The following TBL3 variants were observed in gnomAD, a reference collection of about 807,000 sequenced individuals.
The protein encoded by TBL3 is transducin beta-like protein 3.
A neutral mutation model predicts 102.7 loss-of-function variants in TBL3; 71 were observed. That is an observed-to-expected ratio of 0.69 (90% CI 0.57 to 0.84). The LOEUF is 0.84. Ranked by LOEUF, TBL3 falls within the 40% of genes least tolerant of loss-of-function variation. The probability of loss-of-function intolerance (pLI) is 0.00; values close to 1 mark genes in which losing one functional copy is unlikely to be tolerated. For missense variants in TBL3, 1,188 were observed against 1,098.5 expected (o/e 1.08, Z -1.15); for synonymous variants, 578 against 477.7 (o/e 1.21, Z -2.74).
Position 1,974,223 on chromosome 16 carries a change from C to G in TBL3, c.120C>G (p.Phe40Leu). 6.2e-7 allele frequency: 1 copy of G among 1,602,436 alleles called. No homozygotes were observed. The highest frequency in any genetic ancestry group is 8.5e-7 in the Non-Finnish European group (1 of 1,173,506). Residue 40 changes from phenylalanine to leucine, a missense_variant, in exon 3 of 22, where the codon TTC becomes TTG. By Grantham distance (22) the Phe-to-Leu change is conservative (BLOSUM62 0). Coordinates refer to ENST00000568546, the MANE Select transcript of TBL3 (RefSeq NM_006453.3). Reference protein sequence around the residue: ...AQLDQTGQHLFCVCGTRVNIL... With the variant: ...AQLDQTGQHLLCVCGTRVNIL... ...TGGACCAGACTGGCCAGCACCTCTT[C>G]TGCGTCTGTGGCACCAGAGTCAACA...
Position 1,980,661 on chromosome 16 carries a change from A to G in TBL3, c.*1976A>G, listed in dbSNP as rs368108708. 1.9e-6 allele frequency: 3 copies of G among 1,606,238 alleles called. No homozygotes were observed. The highest frequency in any genetic ancestry group is 2.5e-6 in the Non-Finnish European group (3 of 1,176,626). ...CGTACCCAGGCTGGCCTGACCGAGA[A>G]GCTTTGGGAGAACGCGGTCAGATCT... On this transcript the variant is annotated 3_prime_UTR_variant, in exon 22 of 22. Transcript: ENST00000568546.
At position 1,980,150 on chromosome 16, in the gene TBL3, G is replaced by T. The variant is rs1239360814; in HGVS notation, c.*1465G>T. 2 of 1,605,226 alleles carry T rather than the reference G, an allele frequency of 1.2e-6. No homozygotes were observed. The highest frequency in any genetic ancestry group is 2.2e-5 in the East Asian group (1 of 44,626). ...AGGCGGCCCGCAGCGCGAGAAAGAG[G>T]CTGCTCCTCTGGGGTGGGCAGGATC... On this transcript the variant is annotated 3_prime_UTR_variant, in exon 22 of 22. Coordinates refer to ENST00000568546, the MANE Select transcript of TBL3 (RefSeq NM_006453.3).
At position 1,980,639 on chromosome 16, in the gene TBL3, A is replaced by G. The variant is rs1042786742; in HGVS notation, c.*1954A>G. The G allele has an allele frequency of 1.9e-6, 3 of 1,601,316 alleles. No homozygotes were observed. The highest frequency in any genetic ancestry group is 1.7e-4 in the Middle Eastern group (1 of 6,036). On this transcript the variant is annotated 3_prime_UTR_variant, in exon 22 of 22. Transcript: ENST00000568546. ...AAGCCACCGCCTTCCCCGCTCCCGT[A>G]CCCAGGCTGGCCTGACCGAGAAGCT...
In TBL3 at chr16:1,981,506, G is replaced by A. The variant is rs1488959839; in HGVS notation, c.*2821G>A. On this transcript the variant is annotated 3_prime_UTR_variant, in exon 22 of 22. Transcript: ENST00000568546. ...GAAGGGTAGGCGGGACTGCTGCCTGGGGCCCTCCTGCCTGCCTCTGGCCAC... is the reference window on the plus strand; with the variant it reads ...GAAGGGTAGGCGGGACTGCTGCCTGAGGCCCTCCTGCCTGCCTCTGGCCAC... The A allele has an allele frequency of 4.8e-5, 19 of 398,818 alleles. No homozygotes were observed. Among genetic ancestry groups the A allele is most frequent in the Non-Finnish European group, 7.6e-5 (17 of 222,414 alleles). 24.7% of individuals were successfully genotyped at this position (398,818 alleles called of 1,614,324 possible).
chr16:1,974,338 C>T (rs774894094), intron 3 of TBL3, 38 bp from the exon 4 acceptor site: 1 of 1,593,020 alleles, frequency 6.3e-7, no homozygotes, highest in South Asian at 1.1e-5. Flanking sequence ...GAGGGCAGCC[C>T]ACTCACACCG....
rs1402479791 is a variant in TBL3 at position 1,980,248 on chromosome 16, C to G, written c.*1563C>G. The G allele has an allele frequency of 8.5e-6, 13 of 1,523,868 alleles. No homozygotes were observed. The East Asian group carries it at 2.6e-4, about 30-fold the overall frequency. 94.4% of individuals were successfully genotyped at this position (1,523,868 alleles called of 1,614,324 possible). A position where few individuals can be genotyped will look rare whatever the true frequency, so the allele number is the denominator to read the frequency against. On this transcript the variant is annotated 3_prime_UTR_variant, in exon 22 of 22. Transcript: ENST00000568546. ...GGAGGGTGAAACTGGGGGCGCCACC[C>G]CGGCAAGACCGCCAGCCTCCCACTC...
intron 1 of TBL3, among the ~76,000 whole-genome samples, 186 bp from the exon 2 acceptor site, chr16:1,973,870 G>A (rs1471746681): frequency 6.6e-6 from 1 of 152,216 alleles, no homozygotes; most frequent in African/African-American, 2.4e-5. Flanking sequence ...CTACTTCTCA[G>A]TGACGACGGT....
chr16:1,975,782 A>T (rs2083396258), intron 10 of TBL3, 26 bp from the exon 11 acceptor site: 1 of 1,613,892 alleles, frequency 6.2e-7, no homozygotes, highest in African/African-American at 1.3e-5. Context: ...CCTGGCTCAC[A>T]TCTCCTGCTC....
chr16:1,977,457 G>T (rs369154484), intron 16 of TBL3, 31 bp downstream of exon 16: 1 of 1,608,814 alleles, frequency 6.2e-7, no homozygotes, highest in South Asian at 1.1e-5. Context: ...CAGCGATGGA[G>T]TGGGGGGTGG....
Position 1,979,666 on chromosome 16 carries a change from G to C in TBL3, c.*981G>C. 1 of 1,186,968 alleles carries C rather than the reference G, an allele frequency of 8.4e-7. No individual in the cohort carries two copies. The highest frequency in any genetic ancestry group is 1.5e-5 in the South Asian group (1 of 67,418). The allele number at this position is 1,186,968 out of a possible 1,614,324, so 73.5% of individuals were successfully genotyped here. A position where few individuals can be genotyped will look rare whatever the true frequency, so the allele number is the denominator to read the frequency against. ...GGGGCCGCTCTAAGACCGGTTCGGGGCTTCCTCTAGGTGCGGAGACCAAGC... is the reference window on the plus strand; with the variant it reads ...GGGGCCGCTCTAAGACCGGTTCGGGCCTTCCTCTAGGTGCGGAGACCAAGC... On this transcript the variant is annotated 3_prime_UTR_variant, in exon 22 of 22. Transcript: ENST00000568546.
Position 1,979,892 on chromosome 16 carries a change from C to G in TBL3, c.*1207C>G, listed in dbSNP as rs1276484733. The G allele has an allele frequency of 6.3e-7, 1 of 1,582,762 alleles. No homozygotes were observed. Among genetic ancestry groups the G allele is most frequent in the Non-Finnish European group, 8.6e-7 (1 of 1,165,382 alleles). ...GCGGTCTGCCGGTCTTCGTTCTCCA[C>G]CAGCCACCAGCCTGTGCGCAAGAAG... On this transcript the variant is annotated 3_prime_UTR_variant, in exon 22 of 22. Transcript: ENST00000568546.
At position 1,978,673 on chromosome 16, in the gene TBL3, C is replaced by T. The variant is rs775193392; in HGVS notation, c.2415C>T (p.Gly805=). ...CCACCCCCTGGGAAACCCATAAAGG[C>T]GCACTGCCCTAGCCGGTCCGGCCTC... is the stretch of plus-strand genomic sequence containing the variant. ...AAPTPWETHK[G]ALP Residue 805 remains glycine, a synonymous_variant, in exon 22 of 22, where the codon GGC becomes GGT. Coordinates refer to ENST00000568546, the MANE Select transcript of TBL3 (RefSeq NM_006453.3). The T allele has an allele frequency of 2.5e-6, 4 of 1,611,572 alleles. No individual in the cohort carries two copies. In the East Asian group the frequency reaches 6.7e-5, roughly 27 times the overall value.
Position 1,974,403 on chromosome 16 carries a change from G to A in TBL3, c.217G>A (p.Asp73Asn). The change falls in exon 4 of 22, where the codon GAC (aspartate) becomes AAC (asparagine). Residue 73 changes from aspartate (D) to asparagine (N), a missense_variant. Physicochemically the swap from Asp to Asn is conservative, Grantham distance 23. Transcript: ENST00000568546. ...QEDQEDITAF[D>N]LSPDNEVLVT... is the part of the protein sequence containing the mutation. ...GGACCAGGAGGACATCACTGCCTTT[G>A]ACCTCAGCCCTGACAACGAGGTATG... 6.2e-7 allele frequency: 1 copy of A among 1,610,944 alleles called. No individual in the cohort carries two copies. Among genetic ancestry groups the A allele is most frequent in the South Asian group, 1.1e-5 (1 of 90,728 alleles).
In TBL3 at chr16:1,974,068, G is replaced by C. The variant is rs200942398; in HGVS notation, c.54G>C (p.Glu18Asp). 8.9e-6 allele frequency: 14 copies of C among 1,579,408 alleles called. No homozygotes were observed. In the Admixed American group the frequency reaches 1.4e-4, roughly 16 times the overall value. ...GCTCTCCTTCCAGCTATGCTGTGGA[G>C]CGCAAAATTGAGCCTTTCTACAAGG... ...VGRFKTNYAVERKIEPFYKGG... is the reference protein window; with the variant it reads ...VGRFKTNYAVDRKIEPFYKGG... The change falls in exon 2 of 22, where the codon GAG becomes GAC. Residue 18 changes from glutamate (E) to aspartate (D), a missense_variant. Coordinates refer to ENST00000568546, the MANE Select transcript of TBL3 (RefSeq NM_006453.3).
rs773372488 is a variant in TBL3 at position 1,976,133 on chromosome 16, TA to T, written c.1188+20del. ...TGCCAAGGTGAGGCACCCTGAGAGG[TA>T]GGGGCAGGGGCACCAGGCGGGGAGG... is the stretch of plus-strand genomic sequence containing the variant. On this transcript the variant is annotated intron_variant, in intron 12 of 21. Transcript: ENST00000568546. 99 of 1,613,966 alleles carry T rather than the reference TA, an allele frequency of 6.1e-5. 1 individual carries two copies. In the East Asian group the frequency reaches 1.8e-3, roughly 29 times the overall value.
intron 15 of TBL3, 28 bp downstream of exon 15, chr16:1,977,312 T>G: frequency 6.2e-7 from 1 of 1,613,060 alleles, no homozygotes; most frequent in African/African-American, 1.3e-5. Context: ...CCCTCCCCAC[T>G]TCCCGCCCTG....
intron 12 of TBL3, 43 bp downstream of exon 12, chr16:1,976,157 A>C: frequency 6.2e-7 from 1 of 1,613,680 alleles, no homozygotes; most frequent in South Asian, 1.1e-5. Flanking sequence ...CCAGGCGGGG[A>C]GGCCACGCAG....
At position 1,975,231 on chromosome 16, in the gene TBL3, G is replaced by T. The variant is rs773513869; in HGVS notation, c.680G>T (p.Cys227Phe). ...TGTATCATCTGGGACCTTCAGAGCT[G>T]CCAGGCCACGAGGACCGTGCCTGTG... ...KICIIWDLQS[C>F]QATRTVPVFE... Residue 227 changes from cysteine to phenylalanine, a missense_variant, in exon 8 of 22, where the codon TGC becomes TTC. Cys to Phe is a radical substitution (Grantham distance 205). Transcript: ENST00000568546. 2.5e-6 allele frequency: 4 copies of T among 1,613,904 alleles called. No individual in the cohort carries two copies. The Admixed American group carries it at 6.7e-5, about 27-fold the overall frequency.
chr16:1,976,848 G>A lies in TBL3; in HGVS notation c.1327G>A (p.Asp443Asn). 1 of 1,613,808 alleles carries A rather than the reference G, an allele frequency of 6.2e-7. No individual in the cohort carries two copies. The highest frequency in any genetic ancestry group is 8.5e-7 in the Non-Finnish European group (1 of 1,179,998). Residue 443 changes from aspartate to asparagine, a missense_variant, in exon 14 of 22, where the codon GAC (aspartate) becomes AAC (asparagine). Coordinates refer to ENST00000568546, the MANE Select transcript of TBL3 (RefSeq NM_006453.3). ...KESFLVTGSQ[D>N]CTVKLWPLPK... The stretch of plus-strand genomic sequence containing the variant: ...GTCCTTCCTGGTGACAGGCAGCCAG[G>A]ACTGCACTGTGAAGCTGTGGCCTCT...
Sources: gnomAD v4.1 joint callset for allele counts (sites outside exome capture counted in the v4.1 genomes callset) on GRCh38, gnomAD v4.1.1 for gene constraint, MANE v1.5 for transcripts, NCBI Gene and HGNC (gene_info 2026-07-23, HGNC 2026-07-21) for gene names.